CHRM2: variants seen among roughly 807,000 people sequenced by gnomAD.
CHRM2 encodes the protein cholinergic receptor muscarinic 2, also known as muscarinic acetylcholine receptor M2.
CHRM2 carries 8 observed loss-of-function variants against 25.0 expected under a neutral mutation model. The observed-to-expected ratio is 0.32, with a 90% CI of 0.19 to 0.58. The LOEUF is 0.58. Among genes scored for constraint, CHRM2 ranks in the 20% least tolerant of loss-of-function variants. The probability of loss-of-function intolerance (pLI) is 0.88; values close to 1 mark genes in which losing one functional copy is unlikely to be tolerated. For missense variants in CHRM2, 440 were observed against 567.1 expected (o/e 0.78, Z 2.28); for synonymous variants, 202 against 205.7 (o/e 0.98, Z 0.15).
At chr7:136,927,588 C>T (rs745704264) in intron 2 of CHRM2, among the ~76,000 whole-genome samples, 2 of 152,116 alleles carry the variant, frequency 1.3e-5, no homozygotes, top group Non-Finnish European at 2.9e-5. Context: ...AAGCATTAAG[C>T]CCCATGGGGC....
rs187298017 is a variant in CHRM2 at position 137,016,194 on chromosome 7, C to T, written c.1329C>T (p.Cys443=). 32 of 1,613,046 alleles carry T rather than the reference C, an allele frequency of 2.0e-5. No individual in the cohort carries two copies. The highest frequency in any genetic ancestry group is 3.3e-4 in the Middle Eastern group (2 of 6,046). Residue 443 remains cysteine, a synonymous_variant, in exon 4 of 4, where the codon TGC becomes TGT. Coordinates refer to ENST00000680005, the MANE Select transcript of CHRM2 (RefSeq NM_001006630.2). Reference sequence around the variant, plus strand: ...TCAACCCTGCCTGCTATGCACTTTGCAATGCCACCTTCAAGAAGACCTTTA... The same window carrying T: ...TCAACCCTGCCTGCTATGCACTTTGTAATGCCACCTTCAAGAAGACCTTTA... ...STINPACYAL[C]NATFKKTFKH...
At chr7:137,010,478 C>T (rs1314029146) in intron 3 of CHRM2, among the ~76,000 whole-genome samples, 2 of 152,076 alleles carry the variant, frequency 1.3e-5, no homozygotes, top group East Asian at 1.9e-4. Flanking sequence ...TTTAACACCA[C>T]CCTATGATGC....
intron 2 of CHRM2, among the ~76,000 whole-genome samples, chr7:136,892,781 T>G (rs971111575): frequency 6.6e-6 from 1 of 151,856 alleles, no homozygotes; most frequent in African/African-American, 2.4e-5. Flanking sequence ...TCGATTCTCC[T>G]GCCTCAGCCT....
At chr7:136,878,940 A>G (rs998758507) in intron 2 of CHRM2, among the ~76,000 whole-genome samples, 5 of 151,954 alleles carry the variant, frequency 3.3e-5, no homozygotes, top group Admixed American at 3.3e-4. Context: ...GAGAGAGAGA[A>G]GAAAAAGAAA....
At chr7:136,934,084 A>G (rs970230738) in intron 2 of CHRM2, among the ~76,000 whole-genome samples, 1 of 152,196 alleles carries the variant, frequency 6.6e-6, no homozygotes, top group Non-Finnish European at 1.5e-5. Flanking sequence ...GCAAGTGAAT[A>G]GGATGGTTTT....
At chr7:136,965,527 C>G (rs1417074226) in intron 2 of CHRM2, among the ~76,000 whole-genome samples, 3 of 151,932 alleles carry the variant, frequency 2.0e-5, no homozygotes, top group Non-Finnish European at 4.4e-5. Flanking sequence ...ACAGAAAAGG[C>G]ACACATAAAA....
intron 2 of CHRM2, among the ~76,000 whole-genome samples, chr7:136,905,779 T>C (rs1002998293): frequency 7.3e-5 from 11 of 151,546 alleles, no homozygotes; most frequent in Non-Finnish European, 1.0e-4. Context: ...TTTACTTCCC[T>C]TATGTTTCAA....
At chr7:136,917,333 C>A (rs549336043) in intron 2 of CHRM2, among the ~76,000 whole-genome samples, 27 of 152,020 alleles carry the variant, frequency 1.8e-4, no homozygotes, top group African/African-American at 6.5e-4. Flanking sequence ...CCTTTCCTAT[C>A]GTCTGATGTG....
intron 2 of CHRM2, chr7:136,899,482 A>G (rs1291522623): frequency 6.6e-6 from 1 of 152,102 alleles, no homozygotes; most frequent in Non-Finnish European, 1.5e-5. Flanking sequence ...GAGATAAACA[A>G]TATGAAAAAT....
At chr7:136,992,746 T>C (rs1803315094) in intron 3 of CHRM2, among the ~76,000 whole-genome samples, 2 of 152,148 alleles carry the variant, frequency 1.3e-5, no homozygotes, top group Non-Finnish European at 1.5e-5. Flanking sequence ...TCTGTCTTTC[T>C]CTCTATCTAA....
intron 2 of CHRM2, among the ~76,000 whole-genome samples, chr7:136,989,925 C>T (rs538952974): frequency 2.6e-4 from 40 of 152,232 alleles, no homozygotes; most frequent in African/African-American, 8.9e-4. Context: ...TTCTTTCTGA[C>T]TCTCAGCCAC....
intron 3 of CHRM2, among the ~76,000 whole-genome samples, chr7:136,997,212 T>A (rs1276239291): frequency 1.3e-5 from 2 of 152,224 alleles, no homozygotes; most frequent in African/African-American, 4.8e-5. Flanking sequence ...TGTATGAGTG[T>A]ATTGCATGCT....
rs142623366 is a variant in CHRM2 at position 136,921,239 on chromosome 7, C to T, written c.-125+51821C>T. ...TGTCTCCTACACCTGGCACAATCTCCTTAACTCTGCTTTGAGTCTTCCCAT... is the reference window on the plus strand; with the variant it reads ...TGTCTCCTACACCTGGCACAATCTCTTTAACTCTGCTTTGAGTCTTCCCAT... On this transcript the variant is annotated intron_variant, in intron 2 of 3. Transcript: ENST00000680005. 1.2e-4 allele frequency among the ~76,000 whole-genome samples: 19 copies of T among 152,264 alleles called. No homozygotes were observed. The East Asian group carries it at 3.7e-3, about 29-fold the overall frequency.
intron 2 of CHRM2, among the ~76,000 whole-genome samples, chr7:136,916,010 G>A (rs1798085947): frequency 6.6e-6 from 1 of 151,576 alleles, no homozygotes; most frequent in African/African-American, 2.4e-5. Context: ...CTTATATATT[G>A]TTGTTGAATT....
intron 2 of CHRM2, among the ~76,000 whole-genome samples, chr7:136,887,024 A>G (rs936293396): frequency 6.6e-6 from 1 of 152,218 alleles, no homozygotes; most frequent in South Asian, 2.1e-4. Flanking sequence ...GCAAATATGT[A>G]GTTGAACAAG....
At chr7:136,896,717 T>G (rs528946523) in intron 2 of CHRM2, among the ~76,000 whole-genome samples, 1 of 152,204 alleles carries the variant, frequency 6.6e-6, no homozygotes, top group African/African-American at 2.4e-5. Context: ...GAGAATATGA[T>G]GTGTTTGCCA....
chr7:136,944,832 T>C (rs913876620), intron 2 of CHRM2, among the ~76,000 whole-genome samples: 8 of 151,494 alleles, frequency 5.3e-5, no homozygotes, highest in Admixed American at 3.9e-4. Flanking sequence ...AAAACCACAA[T>C]TGCTTTTGCA....
At chr7:136,958,144 A>G (rs1410281069) in intron 2 of CHRM2, among the ~76,000 whole-genome samples, 1 of 152,184 alleles carries the variant, frequency 6.6e-6, no homozygotes, top group Non-Finnish European at 1.5e-5. Context: ...ATGCTAACGG[A>G]AATGAGCCAG....
chr7:136,875,654 T>C (rs1387109636), intron 2 of CHRM2, among the ~76,000 whole-genome samples: 8 of 152,158 alleles, frequency 5.3e-5, no homozygotes, highest in Non-Finnish European at 4.4e-5. Flanking sequence ...GAACATGTCG[T>C]TCTCCTGTTT....
Sources: gnomAD v4.1 joint callset for allele counts (sites outside exome capture counted in the v4.1 genomes callset) on GRCh38, gnomAD v4.1.1 for gene constraint, MANE v1.5 for transcripts, NCBI Gene and HGNC (gene_info 2026-07-23, HGNC 2026-07-21) for gene names.